Variants in ATP8B2 observed in about 807,000 individuals in gnomAD.
ATP8B2 encodes phospholipid-transporting ATPase ID.
A neutral mutation model predicts 133.4 loss-of-function variants in ATP8B2; 70 were observed. That is an observed-to-expected ratio of 0.52 (90% CI 0.43 to 0.64). The LOEUF is 0.64. ATP8B2 is among the 30% of genes least tolerant of loss of function. The pLI, the probability that ATP8B2 is intolerant of heterozygous loss-of-function variation, is 0.00. For missense variants in ATP8B2, 1,101 were observed against 1,535.7 expected, an observed-to-expected ratio of 0.72 and a Z score of 4.73; for synonymous variants, 517 against 589.5, an observed-to-expected ratio of 0.88 and a Z score of 1.78.
At position 154,331,311 on chromosome 1, in the gene ATP8B2, G is replaced by A. The variant is rs554216596; in HGVS notation, c.304-133G>A. On this transcript the variant is annotated intron_variant, in intron 5 of 27. Transcript: ENST00000368489. This position sits in a 1 kb window ranked among gnomAD's most constrained non-coding sequence, Gnocchi z 4.8. ...TGTCTTTTTGCTGAGCGTGGGGAGA[G>A]GGAATCAGGGAGTGAACTGGTTTGT... 1.1e-5 allele frequency: 13 copies of A among 1,155,328 alleles called. No individual in the cohort carries two copies. The South Asian group carries it at 1.6e-4, about 14-fold the overall frequency. The allele number at this position is 1,155,328 out of a possible 1,614,324, so 71.6% of individuals were successfully genotyped here. A position where few individuals can be genotyped will look rare whatever the true frequency, so the allele number is the denominator to read the frequency against.
Position 154,331,478 on chromosome 1 carries a change from G to T in ATP8B2, c.338G>T (p.Arg113Leu), listed in dbSNP as rs1259824646. ...RHKSDNQVNN[R>L]QSQVLINGIL... ...AAGAGCGATAACCAGGTGAATAACC[G>T]CCAGTCTCAGGTGCTGATCAATGGA... The change falls in exon 6 of 28, where the codon CGC (arginine) becomes CTC (leucine). Residue 113 changes from arginine (R) to leucine (L), a missense_variant. Transcript: ENST00000368489. This position sits in a 1 kb window ranked among gnomAD's most constrained non-coding sequence, Gnocchi z 4.8. The T allele has an allele frequency of 6.2e-7, 1 of 1,614,150 alleles. No individual in the cohort carries two copies. Among genetic ancestry groups the T allele is most frequent in the Non-Finnish European group, 8.5e-7 (1 of 1,180,032 alleles).
rs1186155003 is a variant in ATP8B2, at chr1:154,331,711, G to T, written c.438+33G>T. ...ACAGGGTACCCCTCTAGGCCTGTAGGTTCTTCCTCTTCTTTGTGAGAAAAG... is the reference window on the plus strand; with the variant it reads ...ACAGGGTACCCCTCTAGGCCTGTAGTTTCTTCCTCTTCTTTGTGAGAAAAG... On this transcript the variant is annotated intron_variant, in intron 7 of 27. Transcript: ENST00000368489. The surrounding 1 kb of genome is among the most constrained non-coding windows in gnomAD (Gnocchi z 4.8). 1.9e-6 allele frequency: 3 copies of T among 1,587,012 alleles called. No homozygotes were observed. The highest frequency in any genetic ancestry group is 4.5e-5 in the East Asian group (2 of 44,780).
chr1:154,348,214 T>G (rs1188416815), intron 26 of ATP8B2, among the ~76,000 whole-genome samples, 194 bp from the exon 27 acceptor site: 1 of 152,100 alleles, frequency 6.6e-6, no homozygotes, highest in African/African-American at 2.4e-5. Flanking sequence ...GTCTGGCAGT[T>G]GAAGCAGCAG....
rs1214715979 is a variant in ATP8B2 at position 154,331,194 on chromosome 1, T to C, written c.303+48T>C. The C allele has an allele frequency of 1.5e-6, 2 of 1,367,432 alleles. No individual in the cohort carries two copies. Among genetic ancestry groups the C allele is most frequent in the Non-Finnish European group, 2.0e-6 (2 of 993,828 alleles). The allele number at this position is 1,367,432 out of a possible 1,614,324, so 84.7% of individuals were successfully genotyped here. A position where few individuals can be genotyped will look rare whatever the true frequency, so the allele number is the denominator to read the frequency against. Reference sequence around the variant, plus strand: ...TTTTGTCCCAGTCACCCACCCCTACTCCCAGCCCCACCCCCATCTCATGGC... The same window carrying C: ...TTTTGTCCCAGTCACCCACCCCTACCCCCAGCCCCACCCCCATCTCATGGC... On this transcript the variant is annotated intron_variant, in intron 5 of 27. Coordinates refer to ENST00000368489, the MANE Select transcript of ATP8B2 (RefSeq NM_001370597.1). This position sits in a 1 kb window ranked among gnomAD's most constrained non-coding sequence, Gnocchi z 4.8.
intron 11 of ATP8B2, among the ~76,000 whole-genome samples, chr1:154,336,063 T>C (rs922379508): frequency 3.4e-5 from 5 of 148,728 alleles, no homozygotes; most frequent in African/African-American, 1.2e-4. Context: ...AAAAAGGCCA[T>C]CTATGTGAGA....
intron 26 of ATP8B2, among the ~76,000 whole-genome samples, chr1:154,347,411 T>C (rs116060387): frequency 0.021 from 3,167 of 152,110 alleles, 113 homozygotes; most frequent in African/African-American, 0.074. Context: ...AGGAAGAACT[T>C]TGAGTTTTTG....
chr1:154,329,210 A>T, intron 2 of ATP8B2: 1 of 847,452 alleles, frequency 1.2e-6, no homozygotes. Context: ...GCTCCGAAGG[A>T]TCCAGTCCCT....
intron 2 of ATP8B2, chr1:154,329,096 G>T: frequency 3.1e-6 from 4 of 1,282,450 alleles, no homozygotes; most frequent in Non-Finnish European, 4.1e-6. Flanking sequence ...GCAGCGCCTG[G>T]CAGCTCTCCC....
rs1229427817 is a variant in ATP8B2 at position 154,325,602 on chromosome 1, G to T, written c.-138G>T. ...GGGGGAGCGGGGCCGCAGCTGGGGGGGCGGGAGCCCGTGGGGAGCCGAGCC... is the reference window on the plus strand; with the variant it reads ...GGGGGAGCGGGGCCGCAGCTGGGGGTGCGGGAGCCCGTGGGGAGCCGAGCC... On this transcript the variant is annotated 5_prime_UTR_variant, in exon 1 of 28. Coordinates refer to ENST00000368489, the MANE Select transcript of ATP8B2 (RefSeq NM_001370597.1). 3 of 151,954 alleles carry T rather than the reference G, an allele frequency of 2.0e-5. No individual in the cohort carries two copies. Among genetic ancestry groups the T allele is most frequent in the African/African-American group, 7.2e-5 (3 of 41,386 alleles). 9.4% of individuals were successfully genotyped at this position (151,954 alleles called of 1,614,324 possible).
At position 154,346,383 on chromosome 1, in the gene ATP8B2, T is replaced by C. The variant is rs761024596; in HGVS notation, c.2931T>C (p.Ala977=). Residue 977 remains alanine (A), a synonymous_variant, in exon 25 of 28, where the codon GCT becomes GCC. Transcript: ENST00000368489. This position sits in a 1 kb window ranked among gnomAD's most constrained non-coding sequence, Gnocchi z 4.5. Reference sequence around the variant, plus strand: ...TCTTCATTCCCTATGGGGTGTTTGCTGATGCCACCCGGGATGATGGCACTC... The same window carrying C: ...TCTTCATTCCCTATGGGGTGTTTGCCGATGCCACCCGGGATGATGGCACTC... ...LMFFIPYGVF[A]DATRDDGTQL... is the part of the protein sequence containing the mutation. 2.5e-6 allele frequency: 4 copies of C among 1,614,090 alleles called. No homozygotes were observed. The African/African-American group carries it at 5.3e-5, about 22-fold the overall frequency.
chr1:154,343,601 G>A lies in ATP8B2; in HGVS notation c.1758+33G>A. On this transcript the variant is annotated intron_variant, in intron 17 of 27. Transcript: ENST00000368489. This position sits in a 1 kb window ranked among gnomAD's most constrained non-coding sequence, Gnocchi z 5.8. ...TGAGGAGAGGAGGGGCCAGCCTGGG[G>A]GGTTCTACTCTTAGTGTGGGGGAGG... 1 of 1,594,754 alleles carries A rather than the reference G, an allele frequency of 6.3e-7. No homozygotes were observed.
intron 26 of ATP8B2, among the ~76,000 whole-genome samples, chr1:154,348,197 A>G (rs556530449): frequency 1.3e-5 from 2 of 152,284 alleles, no homozygotes; most frequent in African/African-American, 4.8e-5. Flanking sequence ...GATGCCTGGT[A>G]TGTCAAGTCT....
intron 1 of ATP8B2, among the ~76,000 whole-genome samples, chr1:154,326,377 G>T (rs1433439910): frequency 1.3e-5 from 2 of 152,166 alleles, no homozygotes; most frequent in African/African-American, 2.4e-5. Flanking sequence ...CCTATAGGAG[G>T]AGCTGTTTTC....
chr1:154,335,194 C>T lies in ATP8B2; in HGVS notation c.837+603C>T, dbSNP rs376349989. On this transcript the variant is annotated intron_variant, in intron 11 of 27. Transcript: ENST00000368489. ...TTCCGCCCTGGCTTTAAAGAGTGTG[C>T]GGAAACCCAGCCTGGTGGGCGAGGT... Among the ~76,000 whole-genome samples, 5 of 152,136 alleles carry T rather than the reference C, an allele frequency of 3.3e-5. No individual in the cohort carries two copies. In the East Asian group the frequency reaches 5.8e-4, roughly 18 times the overall value.
At position 154,344,899 on chromosome 1, in the gene ATP8B2, G is replaced by T; in HGVS notation, c.2287-72G>T. On this transcript the variant is annotated intron_variant, in intron 21 of 27. Transcript: ENST00000368489. This position sits in a 1 kb window ranked among gnomAD's most constrained non-coding sequence, Gnocchi z 4.1. Reference sequence around the variant, plus strand: ...TTTCAGAGAAGACTGGTCTCAAAGGGGACTGGGAGGAGCTGAGACTCCCAG... The same window carrying T: ...TTTCAGAGAAGACTGGTCTCAAAGGTGACTGGGAGGAGCTGAGACTCCCAG... 6.4e-7 allele frequency: 1 copy of T among 1,556,860 alleles called. No individual in the cohort carries two copies. The highest frequency in any genetic ancestry group is 1.2e-5 in the South Asian group (1 of 82,396).
intron 11 of ATP8B2, among the ~76,000 whole-genome samples, chr1:154,335,568 T>C (rs1686149249): frequency 1.3e-5 from 2 of 152,106 alleles, no homozygotes; most frequent in South Asian, 4.2e-4. Flanking sequence ...GGCATGCACC[T>C]GTGGTCCCAG....
intron 11 of ATP8B2, among the ~76,000 whole-genome samples, chr1:154,335,808 G>A (rs1258641550): frequency 3.3e-5 from 5 of 152,046 alleles, no homozygotes; most frequent in African/African-American, 7.2e-5. Flanking sequence ...GGGAGACCGA[G>A]GTGGGTGGAT....
At chr1:154,333,557 A>G (rs1686075537) in intron 9 of ATP8B2, among the ~76,000 whole-genome samples, 1 of 151,574 alleles carries the variant, frequency 6.6e-6, no homozygotes, top group Non-Finnish European at 1.5e-5. Flanking sequence ...ACCCTGCTGA[A>G]GTAGCCACAT....
Position 154,328,783 on chromosome 1 carries a change from G to A in ATP8B2, c.31+611G>A. Reference sequence around the variant, plus strand: ...TCCGCCGGGGGGCATGGGGGGCGGCGGCGGCGGCGCAGCTGAGCTCGCGGT... The same window carrying A: ...TCCGCCGGGGGGCATGGGGGGCGGCAGCGGCGGCGCAGCTGAGCTCGCGGT... On this transcript the variant is annotated intron_variant, in intron 2 of 27. Transcript: ENST00000368489. The surrounding 1 kb of genome is among the most constrained non-coding windows in gnomAD (Gnocchi z 4.6). The A allele has an allele frequency of 1.0e-6, 1 of 1,002,752 alleles. No individual in the cohort carries two copies. Among genetic ancestry groups the A allele is most frequent in the Non-Finnish European group, 1.2e-6 (1 of 842,792 alleles). The allele number at this position is 1,002,752 out of a possible 1,614,324, so 62.1% of individuals were successfully genotyped here. A position where few individuals can be genotyped will look rare whatever the true frequency, so the allele number is the denominator to read the frequency against.
Sources: allele counts gnomAD v4.1 joint callset (sites outside exome capture counted in the v4.1 genomes callset), GRCh38; gene constraint gnomAD v4.1.1; non-coding constraint Gnocchi (gnomAD v3.1); transcripts MANE v1.5; gene names NCBI Gene and HGNC (gene_info 2026-07-23, HGNC 2026-07-21).